Variants in ZYX observed in about 807,000 individuals in gnomAD.
The protein encoded by ZYX is zyxin.
Under a neutral mutation model 58.1 loss-of-function variants are expected in ZYX, and 37 were observed. The observed-to-expected ratio is 0.64, with a 90% CI of 0.49 to 0.84. The LOEUF is 0.84. ZYX is among the 40% of genes least tolerant of loss of function. ZYX has a pLI of 0.00. For synonymous variants in ZYX, 324 were observed against 321.1 expected (o/e 1.01, Z -0.10); for missense variants, 762 against 761.6 (o/e 1.00, Z -0.01).
Position 143,383,211 on chromosome 7 carries a change from T to A in ZYX, c.912T>A (p.Ala304=), listed in dbSNP as rs1394797476. The A allele has an allele frequency of 1.9e-6, 3 of 1,614,042 alleles. No homozygotes were observed. Among genetic ancestry groups the A allele is most frequent in the Admixed American group, 1.7e-5 (1 of 60,004 alleles). ...QKLGHPEALS[A]GTGSPQPPSF... Reference sequence around the variant, plus strand: ...TGGGGCACCCCGAAGCTCTTTCTGCTGGCACAGGCTCCCCTCAACCTCCCA... The same window carrying A: ...TGGGGCACCCCGAAGCTCTTTCTGCAGGCACAGGCTCCCCTCAACCTCCCA... The change falls in exon 5 of 10, where the codon GCT becomes GCA. Residue 304 remains alanine, a synonymous_variant. Coordinates refer to ENST00000322764, the MANE Select transcript of ZYX (RefSeq NM_003461.5).
Position 143,388,315 on chromosome 7 carries a change from C to G in ZYX, c.1120C>G (p.Gln374Glu). 1 of 1,613,850 alleles carries G rather than the reference C, an allele frequency of 6.2e-7. No individual in the cohort carries two copies. Among genetic ancestry groups the G allele is most frequent in the Non-Finnish European group, 8.5e-7 (1 of 1,179,856 alleles). The change falls in exon 6 of 10, where the codon CAG becomes GAG. Residue 374 changes from glutamine to glutamate, a missense_variant. Gln to Glu is a conservative substitution (Grantham distance 29, BLOSUM62 2). Transcript: ENST00000322764. The surrounding 1 kb of genome is among the most constrained non-coding windows in gnomAD (Gnocchi z 7.5). Reference sequence around the variant, plus strand: ...GCTAATGCAGGACATGGAGCATCCTCAGAGGCAGAATGTGGCTGTCAACGG... The same window carrying G: ...GCTAATGCAGGACATGGAGCATCCTGAGAGGCAGAATGTGGCTGTCAACGG... The part of the protein sequence containing the change: ...QQLMQDMEHP[Q>E]RQNVAVNELC...
At position 143,390,330 on chromosome 7, in the gene ZYX, G is replaced by A. The variant is rs141868130; in HGVS notation, c.1615-248G>A. 1.8e-3 allele frequency: 1,048 copies of A among 567,760 alleles called. 7 individuals are homozygous for A. Among genetic ancestry groups the A allele is most frequent in the African/African-American group, 0.017 (889 of 53,274 alleles). 35.2% of individuals were successfully genotyped at this position (567,760 alleles called of 1,614,324 possible). On this transcript the variant is annotated intron_variant, in intron 9 of 9. Coordinates refer to ENST00000322764, the MANE Select transcript of ZYX (RefSeq NM_003461.5). This position sits in a 1 kb window ranked among gnomAD's most constrained non-coding sequence, Gnocchi z 4.3. ...CCAACCTCTATTTTATTAGGGTGGT[G>A]GTGGGCAGGGGAGCAAGCACCTTGG...
Position 143,381,561 on chromosome 7 carries a change from C to A in ZYX, c.-11C>A, listed in dbSNP as rs748402739. On this transcript the variant is annotated 5_prime_UTR_variant, in exon 2 of 10. Coordinates refer to ENST00000322764, the MANE Select transcript of ZYX (RefSeq NM_003461.5). ...TAACCCGGCGACCCACCCCAGCAGC[C>A]CGGCCCGGCCATGGCGGCCCCCCGC... is the stretch of plus-strand genomic sequence containing the variant. 1.4e-5 allele frequency: 22 copies of A among 1,608,410 alleles called. No homozygotes were observed. In the South Asian group the frequency reaches 2.2e-4, roughly 16 times the overall value.
chr7:143,382,937 C>T lies in ZYX; in HGVS notation c.638C>T (p.Pro213Leu), dbSNP rs146778339. The change falls in exon 5 of 10, where the codon CCG (proline) becomes CTG (leucine). Residue 213 changes from proline to leucine, a missense_variant. Transcript: ENST00000322764. ...AGCTCCCAGCCTCTGCCCCAGGTTC[C>T]GGCTCCGGCTCAGAGCCAGACACAG... ...PSSSQPLPQV[P>L]APAQSQTQFH... 104 of 1,613,958 alleles carry T rather than the reference C, an allele frequency of 6.4e-5. No homozygotes were observed. Among genetic ancestry groups the T allele is most frequent in the African/African-American group, 2.4e-4 (18 of 75,042 alleles).
chr7:143,384,466 T>C lies in ZYX; in HGVS notation c.1023+1144T>C, dbSNP rs939118533. 2.0e-5 allele frequency among the ~76,000 whole-genome samples: 3 copies of C among 152,080 alleles called. No individual in the cohort carries two copies. The highest frequency in any genetic ancestry group is 7.2e-5 in the African/African-American group (3 of 41,402). On this transcript the variant is annotated intron_variant, in intron 5 of 9. Transcript: ENST00000322764. The surrounding 1 kb of genome is among the most constrained non-coding windows in gnomAD (Gnocchi z 4.9). ...GCTCACCCAAGGAGCTCTTGAGCAC[T>C]GGAGAGGCATTCATGATTTTTGAGT...
rs1362417366 is a variant in ZYX at position 143,388,395 on chromosome 7, A to G, written c.1144+56A>G. ...CTGCCCCCACATCACGGTGGGGGCC[A>G]GGGCTGTGGCTCCACTCCCTATCTG... On this transcript the variant is annotated intron_variant, in intron 6 of 9. Coordinates refer to ENST00000322764, the MANE Select transcript of ZYX (RefSeq NM_003461.5). This position sits in a 1 kb window ranked among gnomAD's most constrained non-coding sequence, Gnocchi z 7.5. The G allele has an allele frequency of 9.9e-6, 16 of 1,608,870 alleles. No homozygotes were observed. The East Asian group carries it at 3.4e-4, about 34-fold the overall frequency.
chr7:143,383,085 A>C lies in ZYX; in HGVS notation c.786A>C (p.Pro262=), dbSNP rs376844785. ...PRGPPASSPA[P]APKFSPVTPK... is the part of the protein sequence containing the mutation. ...GGCCCCCAGCCTCATCTCCGGCTCCAGCCCCTAAGTTTTCTCCAGTGACTC... is the reference window on the plus strand; with the variant it reads ...GGCCCCCAGCCTCATCTCCGGCTCCCGCCCCTAAGTTTTCTCCAGTGACTC... Residue 262 remains proline, a synonymous_variant, in exon 5 of 10, where the codon CCA becomes CCC. Coordinates refer to ENST00000322764, the MANE Select transcript of ZYX (RefSeq NM_003461.5). The C allele has an allele frequency of 1.2e-6, 2 of 1,614,072 alleles. No homozygotes were observed. The highest frequency in any genetic ancestry group is 2.7e-5 in the African/African-American group (2 of 74,932).
intron 5 of ZYX, among the ~76,000 whole-genome samples, chr7:143,385,157 G>T (rs1804808962): frequency 6.6e-6 from 1 of 152,154 alleles, no homozygotes; most frequent in Non-Finnish European, 1.5e-5. Flanking sequence ...CAAGGCTAGA[G>T]ATTAGACTGT....
chr7:143,388,621 G>C lies in ZYX; in HGVS notation c.1277G>C (p.Ser426Thr). 1.2e-6 allele frequency: 2 copies of C among 1,613,466 alleles called. No homozygotes were observed. Among genetic ancestry groups the C allele is most frequent in the Non-Finnish European group, 1.7e-6 (2 of 1,179,960 alleles). The change falls in exon 7 of 10, where the codon AGT (serine) becomes ACT (threonine). Residue 426 changes from serine to threonine, a missense_variant. By Grantham distance (58) the Ser-to-Thr change is moderately conservative (BLOSUM62 1). Transcript: ENST00000322764. This position sits in a 1 kb window ranked among gnomAD's most constrained non-coding sequence, Gnocchi z 7.5. ...AQQLQGQQFY[S>T]LEGAPYCEGC... ...CAGCTCCAGGGCCAGCAGTTCTACA[G>C]TCTGGAGGGGGCGCCGTACTGCGAG...
chr7:143,386,278 C>G lies in ZYX; in HGVS notation c.1024-1941C>G, dbSNP rs531543959. 9.7e-4 allele frequency among the ~76,000 whole-genome samples: 148 copies of G among 151,908 alleles called. 4 individuals carry two copies. The highest frequency in any genetic ancestry group is 6.9e-4 in the Non-Finnish European group (47 of 67,966). On this transcript the variant is annotated intron_variant, in intron 5 of 9. Transcript: ENST00000322764. ...GGAGATCTTGGTGATGTCTCCTCCC[C>G]CAGAGGCATACCAGACAGCAAGGAC...
At position 143,388,083 on chromosome 7, in the gene ZYX, C is replaced by G. The variant is rs1804931836; in HGVS notation, c.1024-136C>G. On this transcript the variant is annotated intron_variant, in intron 5 of 9. Coordinates refer to ENST00000322764, the MANE Select transcript of ZYX (RefSeq NM_003461.5). This position sits in a 1 kb window ranked among gnomAD's most constrained non-coding sequence, Gnocchi z 7.5. ...CGGGGGTAGGGGGACGAGGGAGAAG[C>G]TTTAAGGGTCAAGCCTGAGCATCTG... 9.2e-7 allele frequency: 1 copy of G among 1,092,432 alleles called. No individual in the cohort carries two copies. The highest frequency in any genetic ancestry group is 1.3e-6 in the Non-Finnish European group (1 of 768,926). The allele number at this position is 1,092,432 out of a possible 1,614,324, so 67.7% of individuals were successfully genotyped here.
Position 143,388,071 on chromosome 7 carries a change from A to G in ZYX, c.1024-148A>G. Reference sequence around the variant, plus strand: ...TGCTGGGGATGGCGGGGGTAGGGGGACGAGGGAGAAGCTTTAAGGGTCAAG... The same window carrying G: ...TGCTGGGGATGGCGGGGGTAGGGGGGCGAGGGAGAAGCTTTAAGGGTCAAG... On this transcript the variant is annotated intron_variant, in intron 5 of 9. Transcript: ENST00000322764. The surrounding 1 kb of genome is among the most constrained non-coding windows in gnomAD (Gnocchi z 7.5). 1 of 915,368 alleles carries G rather than the reference A, an allele frequency of 1.1e-6. No homozygotes were observed. Among genetic ancestry groups the G allele is most frequent in the Non-Finnish European group, 1.6e-6 (1 of 612,692 alleles). 56.7% of individuals were successfully genotyped at this position (915,368 alleles called of 1,614,324 possible).
Position 143,388,112 on chromosome 7 carries a change from C to A in ZYX, c.1024-107C>A. Reference sequence around the variant, plus strand: ...AAGGGTCAAGCCTGAGCATCTGGGACACGAGCTGGGAGCTAAGCCTCATCG... The same window carrying A: ...AAGGGTCAAGCCTGAGCATCTGGGAAACGAGCTGGGAGCTAAGCCTCATCG... On this transcript the variant is annotated intron_variant, in intron 5 of 9. Coordinates refer to ENST00000322764, the MANE Select transcript of ZYX (RefSeq NM_003461.5). This position sits in a 1 kb window ranked among gnomAD's most constrained non-coding sequence, Gnocchi z 7.5. The A allele has an allele frequency of 7.3e-7, 1 of 1,365,072 alleles. No individual in the cohort carries two copies. The highest frequency in any genetic ancestry group is 9.9e-7 in the Non-Finnish European group (1 of 1,011,288). 84.6% of individuals were successfully genotyped at this position (1,365,072 alleles called of 1,614,324 possible). A position where few individuals can be genotyped will look rare whatever the true frequency, so the allele number is the denominator to read the frequency against.
chr7:143,381,689 C>T lies in ZYX; in HGVS notation c.118C>T (p.Arg40Trp), dbSNP rs750053030. Residue 40 changes from arginine (R) to tryptophan (W), a missense_variant, in exon 2 of 10, where the codon CGG becomes TGG. Arg to Trp is a moderately radical substitution (Grantham distance 101, BLOSUM62 -3). Coordinates refer to ENST00000322764, the MANE Select transcript of ZYX (RefSeq NM_003461.5). Reference sequence around the variant, plus strand: ...CCCAAAGCCCAAAGTGAATCCCTTCCGGCCCGGGGACAGCGAGCCTCCCCC... The same window carrying T: ...CCCAAAGCCCAAAGTGAATCCCTTCTGGCCCGGGGACAGCGAGCCTCCCCC... The part of the protein sequence containing the change: ...VAPKPKVNPF[R>W]PGDSEPPPAP... 1.2e-6 allele frequency: 2 copies of T among 1,608,348 alleles called. No individual in the cohort carries two copies. The highest frequency in any genetic ancestry group is 1.1e-5 in the South Asian group (1 of 90,526).
At position 143,385,660 on chromosome 7, in the gene ZYX, CTTTTTTT is replaced by C. The variant is rs59995035; in HGVS notation, c.1023+2358_1023+2364del. Among the ~76,000 whole-genome samples, 196 of 68,964 alleles carry C rather than the reference CTTTTTTT, an allele frequency of 2.8e-3. 2 individuals carry two copies. The highest frequency in any genetic ancestry group is 0.01 in the African/African-American group (174 of 17,392). 45.2% of individuals were successfully genotyped at this position (68,964 alleles called of 152,430 possible). A position where few individuals can be genotyped will look rare whatever the true frequency, so the allele number is the denominator to read the frequency against. On this transcript the variant is annotated intron_variant, in intron 5 of 9. Coordinates refer to ENST00000322764, the MANE Select transcript of ZYX (RefSeq NM_003461.5). ...TGTGTGAGCGTGTGGTGTGGTATAT[CTTTTTTT>C]TTTTTTTTTTTTTTTTTTTGGAGAC...
At position 143,388,848 on chromosome 7, in the gene ZYX, C is replaced by T; in HGVS notation, c.1396C>T (p.His466Tyr). ...GGCCACGGGCAAGGCCTATCACCCG[C>T]ACTGCTTCACCTGTGTGGTCTGCGC... ...LRATGKAYHPHCFTCVVCARP... is the reference protein window; with the variant it reads ...LRATGKAYHPYCFTCVVCARP... The change falls in exon 8 of 10, where the codon CAC (histidine) becomes TAC (tyrosine). Residue 466 changes from histidine to tyrosine, a missense_variant. Physicochemically the swap from His to Tyr is moderately conservative, Grantham distance 83. Transcript: ENST00000322764. This position sits in a 1 kb window ranked among gnomAD's most constrained non-coding sequence, Gnocchi z 7.5. 6.2e-7 allele frequency: 1 copy of T among 1,614,098 alleles called. No individual in the cohort carries two copies. The highest frequency in any genetic ancestry group is 8.5e-7 in the Non-Finnish European group (1 of 1,180,004).
At position 143,390,372 on chromosome 7, in the gene ZYX, T is replaced by G. The variant is rs1365436925; in HGVS notation, c.1615-206T>G. The G allele has an allele frequency of 1.7e-6, 1 of 588,406 alleles. No homozygotes were observed. Among genetic ancestry groups the G allele is most frequent in the Admixed American group, 2.9e-5 (1 of 33,924 alleles). The allele number at this position is 588,406 out of a possible 1,614,324, so 36.4% of individuals were successfully genotyped here. A position where few individuals can be genotyped will look rare whatever the true frequency, so the allele number is the denominator to read the frequency against. ...GCACCTTGGGAGCAGCTCTACCCAC[T>G]GCTTGCCCTCTTGCAGGAAGGTCCT... On this transcript the variant is annotated intron_variant, in intron 9 of 9. Coordinates refer to ENST00000322764, the MANE Select transcript of ZYX (RefSeq NM_003461.5). This position sits in a 1 kb window ranked among gnomAD's most constrained non-coding sequence, Gnocchi z 4.3.
chr7:143,381,902 C>G, intron 2 of ZYX, 123 bp downstream of exon 2: 1 of 999,448 alleles, frequency 1.0e-6, no homozygotes, highest in Middle Eastern at 3.3e-4. Flanking sequence ...CACCCTGTCC[C>G]GAGCAGATGT....
At position 143,390,815 on chromosome 7, in the gene ZYX, A is replaced by T. The variant is rs1251953434; in HGVS notation, c.*133A>T. 1 of 713,594 alleles carries T rather than the reference A, an allele frequency of 1.4e-6. No individual in the cohort carries two copies. Among genetic ancestry groups the T allele is most frequent in the Non-Finnish European group, 2.4e-6 (1 of 415,962 alleles). The allele number at this position is 713,594 out of a possible 1,614,324, so 44.2% of individuals were successfully genotyped here. A position where few individuals can be genotyped will look rare whatever the true frequency, so the allele number is the denominator to read the frequency against. Reference sequence around the variant, plus strand: ...ATTTCCAACCCCTCCCTAGCATCCCAGGTGCCCTGACCCAGGACCCAACAT... The same window carrying T: ...ATTTCCAACCCCTCCCTAGCATCCCTGGTGCCCTGACCCAGGACCCAACAT... On this transcript the variant is annotated 3_prime_UTR_variant, in exon 10 of 10. Coordinates refer to ENST00000322764, the MANE Select transcript of ZYX (RefSeq NM_003461.5). This position sits in a 1 kb window ranked among gnomAD's most constrained non-coding sequence, Gnocchi z 4.3.
Sources: allele counts gnomAD v4.1 joint callset (sites outside exome capture counted in the v4.1 genomes callset), GRCh38; gene constraint gnomAD v4.1.1; non-coding constraint Gnocchi (gnomAD v3.1); transcripts MANE v1.5; gene names NCBI Gene and HGNC (gene_info 2026-07-23, HGNC 2026-07-21).